The following EVA1C variants were observed in gnomAD, a reference collection of about 807,000 sequenced individuals.
The protein encoded by EVA1C is protein eva-1 homolog C.
A neutral mutation model predicts 45.4 loss-of-function variants in EVA1C; 25 were observed. The observed-to-expected ratio is 0.55, with a 90% CI of 0.40 to 0.77. The LOEUF (loss-of-function observed/expected upper bound fraction) is 0.77. EVA1C is among the 30% of genes least tolerant of loss of function. The probability of loss-of-function intolerance (pLI) is 0.00; values close to 1 mark genes in which losing one functional copy is unlikely to be tolerated. For synonymous variants in EVA1C, 190 were observed against 221.2 expected, an observed-to-expected ratio of 0.86 and a Z score of 1.25; for missense variants, 479 against 554.8, an observed-to-expected ratio of 0.86 and a Z score of 1.37.
At chr21:32,444,991 A>G (rs2035314265) in intron 1 of EVA1C, among the ~76,000 whole-genome samples, 1 of 152,240 alleles carries the variant, frequency 6.6e-6, no homozygotes, top group Non-Finnish European at 1.5e-5. Context: ...GTATAAATCA[A>G]TGAAAATGAC....
chr21:32,513,551 CTT>C (rs1165725714), intron 7 of EVA1C, among the ~76,000 whole-genome samples: 5,977 of 106,472 alleles, frequency 0.056, 81 homozygotes, highest in Middle Eastern at 0.098. Context: ...TTTTTCTTTT[CTT>C]TTTTTTTTTT....
chr21:32,471,557 C>T (rs569231312), intron 4 of EVA1C, among the ~76,000 whole-genome samples: 3 of 151,974 alleles, frequency 2.0e-5, no homozygotes, highest in South Asian at 4.2e-4. Context: ...AACTTCTGAC[C>T]TCAGGTGATC....
chr21:32,497,552 T>G (rs2037393239), intron 5 of EVA1C, among the ~76,000 whole-genome samples: 1 of 152,220 alleles, frequency 6.6e-6, no homozygotes, highest in Admixed American at 6.5e-5. Context: ...TTCTGTACAA[T>G]AACATTTACT....
intron 5 of EVA1C, among the ~76,000 whole-genome samples, chr21:32,496,077 ACAAT>A (rs1245030884): frequency 6.6e-6 from 1 of 152,210 alleles, no homozygotes; most frequent in Non-Finnish European, 1.5e-5. Flanking sequence ...TACCATCACC[ACAAT>A]CAGTTTAAGA....
intron 6 of EVA1C, among the ~76,000 whole-genome samples, chr21:32,502,045 TTTCTTTCTTCTTTCTTTCTTTC>T (rs2146437161): frequency 7.5e-6 from 1 of 134,156 alleles, no homozygotes; most frequent in Non-Finnish European, 1.6e-5. Flanking sequence ...TCTTTCTTTC[TTTCTTTCTTCTTTCTTTCTTTC>T]TTCTGTCTTT....
At chr21:32,470,607 C>A (rs564214278) in intron 4 of EVA1C, among the ~76,000 whole-genome samples, 4 of 152,310 alleles carry the variant, frequency 2.6e-5, no homozygotes, top group South Asian at 2.1e-4. Context: ...TCATTTCTCT[C>A]TCTTAAATGT....
chr21:32,446,456 T>C (rs1033967089), intron 1 of EVA1C, among the ~76,000 whole-genome samples: 1 of 152,196 alleles, frequency 6.6e-6, no homozygotes, highest in African/African-American at 2.4e-5. Flanking sequence ...TGATCCAACA[T>C]GATGGCTAAT....
Position 32,466,185 on chromosome 21 carries a change from C to T in EVA1C, c.482-1511C>T, listed in dbSNP as rs2036165385. Reference sequence around the variant, plus strand: ...CCTGTAATCCCAGCACTTTGGGAGGCTGAAGCGGGTGGATCACGAGGTCAG... The same window carrying T: ...CCTGTAATCCCAGCACTTTGGGAGGTTGAAGCGGGTGGATCACGAGGTCAG... On this transcript the variant is annotated intron_variant, in intron 3 of 7. Transcript: ENST00000300255. 2.0e-5 allele frequency among the ~76,000 whole-genome samples: 3 copies of T among 152,174 alleles called. No homozygotes were observed. In the South Asian group the frequency reaches 6.2e-4, roughly 31 times the overall value.
rs534564852 is a variant in EVA1C, at chr21:32,491,454, C to T, written c.635-3573C>T. Among the ~76,000 whole-genome samples the T allele has an allele frequency of 1.6e-4, 25 of 151,734 alleles. No homozygotes were observed. The East Asian group carries it at 1.7e-3, about 11-fold the overall frequency. On this transcript the variant is annotated intron_variant, in intron 4 of 7. Transcript: ENST00000300255. ...CTGTAATCCCAGCACTTTGGGCGGCCGAGGCGGGTGGATCACCGGGGGTCA... is the reference window on the plus strand; with the variant it reads ...CTGTAATCCCAGCACTTTGGGCGGCTGAGGCGGGTGGATCACCGGGGGTCA...
chr21:32,464,142 A>T (rs77951076), intron 3 of EVA1C, among the ~76,000 whole-genome samples: 4,197 of 152,344 alleles, frequency 0.028, 194 homozygotes, highest in African/African-American at 0.095. Context: ...GCAGTCTTTT[A>T]TCTAGAGAAA....
At chr21:32,475,746 G>C (rs1454762874) in intron 4 of EVA1C, among the ~76,000 whole-genome samples, 2 of 152,130 alleles carry the variant, frequency 1.3e-5, no homozygotes. Context: ...TGTATAATGA[G>C]CTTGTGCTTG....
At chr21:32,480,803 A>T (rs1219633369) in intron 4 of EVA1C, among the ~76,000 whole-genome samples, 1 of 152,048 alleles carries the variant, frequency 6.6e-6, no homozygotes, top group East Asian at 1.9e-4. Context: ...TCTCTACTAA[A>T]AATACAAAAA....
intron 4 of EVA1C, among the ~76,000 whole-genome samples, chr21:32,471,289 G>C (rs997090331): frequency 6.6e-6 from 1 of 151,244 alleles, no homozygotes; most frequent in Admixed American, 6.6e-5. Context: ...TCTTCTTTAC[G>C]GGCTCTGTGT....
chr21:32,484,002 T>G (rs1230649701), intron 4 of EVA1C, among the ~76,000 whole-genome samples: 1 of 143,612 alleles, frequency 7.0e-6, no homozygotes, highest in African/African-American at 2.6e-5. Context: ...GTGTGTGTAT[T>G]TAAATATATT....
chr21:32,511,418 T>G (rs1601081137), intron 7 of EVA1C, among the ~76,000 whole-genome samples: 1 of 11,184 alleles, frequency 8.9e-5, no homozygotes. Context: ...AAACTCCGTC[T>G]CAAAAAAAAA....
intron 5 of EVA1C, chr21:32,496,732 C>T: frequency 3.3e-6 from 2 of 612,436 alleles, no homozygotes; most frequent in Non-Finnish European, 2.9e-6. Flanking sequence ...CTTTAGCCTC[C>T]AAATAAGGTG....
At chr21:32,425,182 A>C (rs1319886206) in intron 1 of EVA1C, among the ~76,000 whole-genome samples, 2 of 147,816 alleles carry the variant, frequency 1.4e-5, no homozygotes, top group Non-Finnish European at 3.0e-5. Context: ...ACAACAACAA[A>C]AATTAGTTGG....
intron 4 of EVA1C, among the ~76,000 whole-genome samples, chr21:32,479,530 C>A (rs2036701258): frequency 6.6e-6 from 1 of 152,170 alleles, no homozygotes; most frequent in African/African-American, 2.4e-5. Context: ...ATCCTGCGAA[C>A]CATTCAGAGC....
intron 7 of EVA1C, among the ~76,000 whole-genome samples, 199 bp from the exon 8 acceptor site, chr21:32,514,615 C>T (rs193171772): frequency 1.3e-5 from 2 of 152,268 alleles, no homozygotes; most frequent in Admixed American, 6.5e-5. Context: ...CATATATTGA[C>T]TCCGTAGGCG....
Sources: gnomAD v4.1 joint callset for allele counts (sites outside exome capture counted in the v4.1 genomes callset) on GRCh38, gnomAD v4.1.1 for gene constraint, MANE v1.5 for transcripts, NCBI Gene and HGNC (gene_info 2026-07-23, HGNC 2026-07-21) for gene names.